SPAG1: variants seen among roughly 807,000 people sequenced by gnomAD.
SPAG1 encodes sperm associated antigen 1, also known as sperm-associated antigen 1.
In SPAG1, 69 loss-of-function variants were observed where a neutral mutation model predicts 100.5. The ratio of observed to expected loss-of-function variants is 0.69; its 90% CI spans 0.57 to 0.84. The LOEUF is 0.84. SPAG1 is among the 40% of genes least tolerant of loss of function. The pLI, the probability that SPAG1 is intolerant of heterozygous loss-of-function variation, is 0.00. For synonymous variants in SPAG1, 336 were observed against 411.6 expected (o/e 0.82, Z 2.22); for missense variants, 955 against 1,133.1 (o/e 0.84, Z 2.26).
intron 14 of SPAG1, among the ~76,000 whole-genome samples, chr8:100,227,881 C>G (rs1168901220): frequency 8.1e-6 from 1 of 122,816 alleles, no homozygotes; most frequent in Non-Finnish European, 1.6e-5. Context: ...GGATCTTGCT[C>G]TGTTGCGCAG....
intron 16 of SPAG1, among the ~76,000 whole-genome samples, chr8:100,237,068 T>C (rs1819038697): frequency 6.6e-6 from 1 of 152,126 alleles, no homozygotes; most frequent in Non-Finnish European, 1.5e-5. Context: ...TCTGGTTTGT[T>C]GTTGTTATTG....
At chr8:100,170,472 C>G (rs963583474) in intron 3 of SPAG1, among the ~76,000 whole-genome samples, 2 of 152,116 alleles carry the variant, frequency 1.3e-5, no homozygotes, top group Non-Finnish European at 2.9e-5. Flanking sequence ...TGTGCAACCA[C>G]TCTTCAGAAC....
At chr8:100,183,667 T>G (rs952257645) in intron 5 of SPAG1, among the ~76,000 whole-genome samples, 1 of 152,086 alleles carries the variant, frequency 6.6e-6, no homozygotes, top group South Asian at 2.1e-4. Context: ...AACTAATGTA[T>G]TTTTTATACC....
chr8:100,207,301 C>T (rs1189433539), intron 10 of SPAG1, among the ~76,000 whole-genome samples: 1 of 152,152 alleles, frequency 6.6e-6, no homozygotes, highest in African/African-American at 2.4e-5. Flanking sequence ...GAGGAGGTGG[C>T]TCAAATGCCC....
chr8:100,200,463 G>A (rs1817226264), intron 10 of SPAG1, among the ~76,000 whole-genome samples: 2 of 152,236 alleles, frequency 1.3e-5, no homozygotes, highest in Non-Finnish European at 1.5e-5. Flanking sequence ...TATATCCCCA[G>A]TAATGGGATG....
At chr8:100,166,321 C>T (rs922509236) in intron 3 of SPAG1, among the ~76,000 whole-genome samples, 2 of 151,814 alleles carry the variant, frequency 1.3e-5, no homozygotes, top group Non-Finnish European at 1.5e-5. Flanking sequence ...TGCAGTGGCA[C>T]GATCTTGGCT....
intron 12 of SPAG1, among the ~76,000 whole-genome samples, chr8:100,215,082 C>T (rs749075882): frequency 6.9e-5 from 9 of 129,532 alleles, no homozygotes; most frequent in Non-Finnish European, 1.3e-4. Flanking sequence ...CTATAGTCAT[C>T]CTACAGTGCT....
intron 3 of SPAG1, among the ~76,000 whole-genome samples, chr8:100,171,584 T>A (rs1366424458): frequency 6.6e-6 from 1 of 152,140 alleles, no homozygotes; most frequent in Non-Finnish European, 1.5e-5. Context: ...TTTCTGATAT[T>A]TTTTTCCCCC....
intron 10 of SPAG1, chr8:100,194,755 A>G (rs1816959078): frequency 5.1e-6 from 1 of 194,568 alleles, no homozygotes; most frequent in South Asian, 1.8e-4. Flanking sequence ...ACTTGAAACA[A>G]TATTTTAAGA....
Position 100,191,455 on chromosome 8 carries a change from A to C in SPAG1, c.898A>C (p.Ser300Arg), listed in dbSNP as rs754651126. Residue 300 changes from serine to arginine, a missense_variant, in exon 9 of 19, where the codon AGT becomes CGT. Ser to Arg is a moderately radical substitution (Grantham distance 110). Coordinates refer to ENST00000388798, the MANE Select transcript of SPAG1 (RefSeq NM_003114.5). ...NKLREATEDLSKVLDVEPDND... is the reference protein window; with the variant it reads ...NKLREATEDLRKVLDVEPDND... ...GCTCCGGGAAGCTACAGAAGATTTG[A>C]GTAAAGTACTAGATGTTGAGCCTGA... 1 of 1,613,880 alleles carries C rather than the reference A, an allele frequency of 6.2e-7. No homozygotes were observed.
chr8:100,169,148 A>G (rs1010076820), intron 3 of SPAG1, among the ~76,000 whole-genome samples: 8 of 152,130 alleles, frequency 5.3e-5, no homozygotes, highest in Non-Finnish European at 1.0e-4. Context: ...TTTAATTCTT[A>G]TATCTAGGTC....
chr8:100,218,703 G>A (rs1753657514), intron 12 of SPAG1, among the ~76,000 whole-genome samples: 2 of 152,280 alleles, frequency 1.3e-5, no homozygotes, highest in African/African-American at 4.8e-5. Context: ...TAACACCTAG[G>A]CAGAGTGAAA....
chr8:100,183,363 T>C lies in SPAG1; in HGVS notation c.427-12T>C. On this transcript the variant is annotated splice_polypyrimidine_tract_variant and intron_variant, in intron 4 of 18. Transcript: ENST00000388798. ...TAAATATGTCTCATAAAATATGATT[T>C]TATTCTTTTAGGAAAAATATTCTAA... The C allele has an allele frequency of 8.5e-7, 1 of 1,171,372 alleles. No homozygotes were observed. The highest frequency in any genetic ancestry group is 1.3e-6 in the Non-Finnish European group (1 of 795,306). 72.6% of individuals were successfully genotyped at this position (1,171,372 alleles called of 1,614,324 possible).
intron 10 of SPAG1, among the ~76,000 whole-genome samples, chr8:100,205,347 A>T (rs1222741285): frequency 6.6e-6 from 1 of 152,198 alleles, no homozygotes; most frequent in African/African-American, 2.4e-5. Flanking sequence ...ACTACTGGAC[A>T]CTGCCTCTGA....
At chr8:100,238,582 T>G (rs1819112760) in intron 16 of SPAG1, among the ~76,000 whole-genome samples, 1 of 152,210 alleles carries the variant, frequency 6.6e-6, no homozygotes, top group Non-Finnish European at 1.5e-5. Flanking sequence ...TGCTGCTAGA[T>G]TCAGTGGTCA....
intron 3 of SPAG1, among the ~76,000 whole-genome samples, chr8:100,166,349 C>T (rs1193953085): frequency 6.6e-5 from 10 of 152,030 alleles, no homozygotes; most frequent in Non-Finnish European, 1.3e-4. Context: ...ACCTCTGCCT[C>T]CCAGGTTCAA....
At chr8:100,220,513 T>G in intron 13 of SPAG1, 82 bp downstream of exon 13, 1 of 1,138,984 alleles carries the variant, frequency 8.8e-7, no homozygotes, top group Admixed American at 2.4e-5. Flanking sequence ...CATGTCAAAA[T>G]ATAGATGTGT....
chr8:100,159,302 G>A (rs1815205389), intron 1 of SPAG1, among the ~76,000 whole-genome samples: 1 of 152,054 alleles, frequency 6.6e-6, no homozygotes, highest in South Asian at 2.1e-4. Context: ...CTTGTCCTGG[G>A]AGCCATTCAT....
chr8:100,191,807 T>A (rs537953059), intron 9 of SPAG1, among the ~76,000 whole-genome samples: 16 of 152,286 alleles, frequency 1.1e-4, no homozygotes, highest in African/African-American at 3.4e-4. Context: ...CCTTCCTAGG[T>A]AGGATTAGGG....
Sources: allele counts gnomAD v4.1 joint callset (sites outside exome capture counted in the v4.1 genomes callset), GRCh38; gene constraint gnomAD v4.1.1; transcripts MANE v1.5; gene names NCBI Gene and HGNC (gene_info 2026-07-23, HGNC 2026-07-21).